FTO: variants seen among roughly 807,000 people sequenced by gnomAD.
FTO encodes the protein FTO alpha-ketoglutarate dependent dioxygenase, also known as alpha-ketoglutarate-dependent dioxygenase FTO.
FTO carries 47 observed loss-of-function variants against 63.9 expected under a neutral mutation model. The ratio of observed to expected loss-of-function variants is 0.74; its 90% confidence interval spans 0.58 to 0.94. The LOEUF (loss-of-function observed/expected upper bound fraction) is 0.94. FTO is among the 40% of genes least tolerant of loss of function. FTO has a pLI of 0.00. For missense variants in FTO, 562 were observed against 618.1 expected, an observed-to-expected ratio of 0.91 and a Z score of 0.96; for synonymous variants, 207 against 224.4, an observed-to-expected ratio of 0.92 and a Z score of 0.69.
intron 8 of FTO, among the ~76,000 whole-genome samples, chr16:53,996,090 C>G (rs2083927511): frequency 6.6e-6 from 1 of 152,156 alleles, no homozygotes; most frequent in Non-Finnish European, 1.5e-5. Context: ...GGTAGGAGGA[C>G]AAAAGTGATT....
At chr16:53,752,419 T>TG in intron 1 of FTO, among the ~76,000 whole-genome samples, 1 of 152,216 alleles carries the variant, frequency 6.6e-6, no homozygotes, top group East Asian at 1.9e-4. Context: ...GTCCACCAGC[T>TG]GATGAATGGA....
rs117256997 is a variant in FTO at position 53,711,287 on chromosome 16, T to C, written c.45+7058T>C. 315 of 395,180 alleles carry C rather than the reference T, an allele frequency of 8.0e-4. 1 individual carries two copies. The East Asian group carries it at 0.011, about 14-fold the overall frequency. The allele number at this position is 395,180 out of a possible 1,614,324, so 24.5% of individuals were successfully genotyped here. A position where few individuals can be genotyped will look rare whatever the true frequency, so the allele number is the denominator to read the frequency against. ...CTTATTTCCCATGCAGCCAGAATGG[T>C]ACTAGTTTTGTACCACCTTTCAGAA... On this transcript the variant is annotated intron_variant, in intron 1 of 8. Coordinates refer to ENST00000471389, the MANE Select transcript of FTO (RefSeq NM_001080432.3).
rs1299638470 is a variant in FTO at position 54,112,090 on chromosome 16, T to A, written c.*175T>A. ...CCATGAAGTTTTAAATGTTTTAAAA[T>A]GACCCTGTGTTATAGTCTGATTTGG... On this transcript the variant is annotated 3_prime_UTR_variant, in exon 9 of 9. Coordinates refer to ENST00000471389, the MANE Select transcript of FTO (RefSeq NM_001080432.3). The A allele has an allele frequency of 1.5e-6, 1 of 678,556 alleles. No homozygotes were observed. The highest frequency in any genetic ancestry group is 1.8e-5 in the African/African-American group (1 of 55,856). 42.0% of individuals were successfully genotyped at this position (678,556 alleles called of 1,614,324 possible). A position where few individuals can be genotyped will look rare whatever the true frequency, so the allele number is the denominator to read the frequency against.
intron 8 of FTO, among the ~76,000 whole-genome samples, chr16:54,012,458 G>A (rs1468373008): frequency 6.6e-6 from 1 of 152,218 alleles, no homozygotes; most frequent in Non-Finnish European, 1.5e-5. Flanking sequence ...AGAGGCTGCA[G>A]CAAGCTATCC....
chr16:53,749,111 A>ATAGT (rs1355715588), intron 1 of FTO, among the ~76,000 whole-genome samples: 4 of 152,256 alleles, frequency 2.6e-5, no homozygotes, highest in African/African-American at 9.6e-5. Flanking sequence ...TCTTTTTTAT[A>ATAGT]TAGTTCACTG....
intron 8 of FTO, among the ~76,000 whole-genome samples, chr16:53,957,480 T>C (rs987964637): frequency 2.0e-5 from 3 of 152,206 alleles, no homozygotes; most frequent in African/African-American, 7.2e-5. Context: ...TAAGACCCTA[T>C]CCAAGGTTCG....
intron 7 of FTO, among the ~76,000 whole-genome samples, chr16:53,929,729 G>A (rs946163875): frequency 3.3e-5 from 5 of 152,138 alleles, no homozygotes; most frequent in East Asian, 3.9e-4. Flanking sequence ...ATTGTGTTTC[G>A]CAGTGCCTTG....
In FTO at chr16:54,057,490, G is replaced by T. The variant is rs2085462773; in HGVS notation, c.1365-54272G>T. Among the ~76,000 whole-genome samples the T allele has an allele frequency of 2.0e-5, 3 of 152,254 alleles. No homozygotes were observed. In the South Asian group the frequency reaches 6.2e-4, roughly 32 times the overall value. ...GTTTTTTGTTTTTTGTTTTGACACG[G>T]TCTCATTCTGTCGCCCAGGCTGGAG... On this transcript the variant is annotated intron_variant, in intron 8 of 8. Coordinates refer to ENST00000471389, the MANE Select transcript of FTO (RefSeq NM_001080432.3).
In FTO at chr16:54,112,029, C is replaced by G. The variant is rs756070602; in HGVS notation, c.*114C>G. On this transcript the variant is annotated 3_prime_UTR_variant, in exon 9 of 9. Transcript: ENST00000471389. ...TTCTCTTGGCCCCTAGATTGTAGCACCCGGGTCCCAATCCAAAACAGCTAG... is the reference window on the plus strand; with the variant it reads ...TTCTCTTGGCCCCTAGATTGTAGCAGCCGGGTCCCAATCCAAAACAGCTAG... 7.1e-6 allele frequency: 8 copies of G among 1,134,548 alleles called. No individual in the cohort carries two copies. The highest frequency in any genetic ancestry group is 1.1e-5 in the Non-Finnish European group (8 of 753,666). The allele number at this position is 1,134,548 out of a possible 1,614,324, so 70.3% of individuals were successfully genotyped here.
chr16:53,818,308 A>T (rs954950294), intron 2 of FTO, among the ~76,000 whole-genome samples: 1 of 152,026 alleles, frequency 6.6e-6, no homozygotes, highest in Non-Finnish European at 1.5e-5. Context: ...TTTCTTTGAG[A>T]TAGTGACAAA....
rs1238712151 is a variant in FTO, at chr16:53,825,856, TG to T, written c.124-7del. ...TCAACGTCTGTTTTTGCTTTGGTTTTGTTTTAGTGGCAGCTGAAATATCCTA... is the reference window on the plus strand; with the variant it reads ...TCAACGTCTGTTTTTGCTTTGGTTTTTTTTAGTGGCAGCTGAAATATCCTA... On this transcript the variant is annotated splice_polypyrimidine_tract_variant and splice_region_variant and intron_variant, in intron 2 of 8. Transcript: ENST00000471389. The T allele has an allele frequency of 2.5e-6, 4 of 1,612,890 alleles. No homozygotes were observed. Among genetic ancestry groups the T allele is most frequent in the Admixed American group, 3.3e-5 (2 of 60,008 alleles).
chr16:53,768,508 C>A (rs1373532665), intron 1 of FTO, among the ~76,000 whole-genome samples: 1 of 152,052 alleles, frequency 6.6e-6, no homozygotes, highest in Non-Finnish European at 1.5e-5. Context: ...ATATTTCTTA[C>A]CCGAGTAGAA....
chr16:54,080,068 CT>C (rs1400963148), intron 8 of FTO, among the ~76,000 whole-genome samples: 1 of 152,078 alleles, frequency 6.6e-6, no homozygotes, highest in Non-Finnish European at 1.5e-5. Flanking sequence ...AGTTTTCATG[CT>C]TTAGGCTATT....
At chr16:53,715,305 T>C (rs2075869441) in intron 1 of FTO, among the ~76,000 whole-genome samples, 1 of 152,184 alleles carries the variant, frequency 6.6e-6, no homozygotes, top group African/African-American at 2.4e-5. Context: ...TGCTGGTGTT[T>C]TATGTTCCTC....
chr16:53,963,857 A>G (rs2083139297), intron 8 of FTO, among the ~76,000 whole-genome samples: 1 of 152,064 alleles, frequency 6.6e-6, no homozygotes, highest in South Asian at 2.1e-4. Flanking sequence ...GGTTCAAGTG[A>G]TTCTCCTGCC....
intron 8 of FTO, among the ~76,000 whole-genome samples, chr16:54,032,322 A>T (rs527435023): frequency 2.6e-5 from 4 of 152,372 alleles, no homozygotes; most frequent in Admixed American, 2.6e-4. Context: ...GAACGAGCCA[A>T]GAGTGATTCT....
At chr16:54,040,916 G>A (rs183262107) in intron 8 of FTO, among the ~76,000 whole-genome samples, 3 of 152,266 alleles carry the variant, frequency 2.0e-5, no homozygotes, top group East Asian at 3.9e-4. Flanking sequence ...ATATGGGACC[G>A]AAGAAGAAAA....
At chr16:53,873,991 C>T (rs533349849) in intron 5 of FTO, 126 bp downstream of exon 5, 45 of 720,552 alleles carry the variant, frequency 6.2e-5, no homozygotes, top group South Asian at 3.2e-4. Context: ...ACTTGACTTT[C>T]GTCTCTGTTT....
intron 1 of FTO, among the ~76,000 whole-genome samples, chr16:53,765,706 G>A (rs1567967965): frequency 6.6e-6 from 1 of 152,098 alleles, no homozygotes; most frequent in East Asian, 1.9e-4. Context: ...GAACTCCAAA[G>A]GATGACAAGG....
Sources: gnomAD v4.1 joint callset for allele counts (sites outside exome capture counted in the v4.1 genomes callset) on GRCh38, gnomAD v4.1.1 for gene constraint, MANE v1.5 for transcripts, NCBI Gene and HGNC (gene_info 2026-07-23, HGNC 2026-07-21) for gene names.